ZBTB20: variants seen among roughly 807,000 people sequenced by gnomAD.
ZBTB20 encodes the protein zinc finger and BTB domain-containing protein 20.
ZBTB20 carries 9 observed loss-of-function variants against 56.9 expected under a neutral mutation model. The observed-to-expected ratio is 0.16, with a 90% CI of 0.10 to 0.28. The LOEUF is 0.28. Among genes scored for constraint, ZBTB20 ranks in the 10% least tolerant of loss-of-function variants. The pLI is 1.00. For synonymous variants in ZBTB20, 417 were observed against 420.7 expected (o/e 0.99, Z 0.11); for missense variants, 655 against 1,003.0 (o/e 0.65, Z 4.69).
chr3:114,890,638 G>A (rs937403737), intron 4 of ZBTB20, among the ~76,000 whole-genome samples: 2 of 152,034 alleles, frequency 1.3e-5, no homozygotes, highest in Non-Finnish European at 2.9e-5. Context: ...ATTAGGAGAT[G>A]TACCTAATGT....
At chr3:115,017,952 C>A (rs1228657256) in intron 2 of ZBTB20, among the ~76,000 whole-genome samples, 1 of 151,458 alleles carries the variant, frequency 6.6e-6, no homozygotes, top group East Asian at 1.9e-4. Flanking sequence ...TCTGTGCTGG[C>A]AAGAAACACC....
At chr3:114,488,218 G>A (rs2042353152) in intron 7 of ZBTB20, among the ~76,000 whole-genome samples, 1 of 152,228 alleles carries the variant, frequency 6.6e-6, no homozygotes, top group Admixed American at 6.5e-5. Flanking sequence ...TGCCATCAGA[G>A]CATAAGAAGC....
At chr3:114,555,753 G>T (rs1373799082) in intron 6 of ZBTB20, among the ~76,000 whole-genome samples, 1 of 152,076 alleles carries the variant, frequency 6.6e-6, no homozygotes, top group Non-Finnish European at 1.5e-5. Context: ...CCAGTTTTCA[G>T]TTGGGCTGGT....
chr3:114,600,772 TA>T (rs1213744737), intron 6 of ZBTB20, among the ~76,000 whole-genome samples: 4 of 152,012 alleles, frequency 2.6e-5, no homozygotes, highest in Admixed American at 6.6e-5. Context: ...CTTCAACTCA[TA>T]ACTAAACCCA....
intron 5 of ZBTB20, among the ~76,000 whole-genome samples, chr3:114,696,821 GAGAA>G (rs1160946664): frequency 3.9e-5 from 6 of 152,082 alleles, no homozygotes; most frequent in South Asian, 4.1e-4. Flanking sequence ...AAAAGAGAGA[GAGAA>G]AGAGAGAGAT....
chr3:114,444,874 T>A (rs1281278458), intron 7 of ZBTB20, among the ~76,000 whole-genome samples: 1 of 152,068 alleles, frequency 6.6e-6, no homozygotes. Context: ...TAAGTTTTTC[T>A]CGTAAATTTT....
intron 1 of ZBTB20, among the ~76,000 whole-genome samples, chr3:115,118,742 A>G (rs1183871684): frequency 2.1e-5 from 2 of 96,886 alleles, no homozygotes; most frequent in Admixed American, 3.4e-4. Flanking sequence ...TTTGAGACGG[A>G]GTCTCGCTCT....
At chr3:114,391,882 C>A (rs2085908522) in intron 7 of ZBTB20, among the ~76,000 whole-genome samples, 1 of 152,126 alleles carries the variant, frequency 6.6e-6, no homozygotes, top group African/African-American at 2.4e-5. Flanking sequence ...TTTATCAGTG[C>A]TTACTTGGCA....
At chr3:114,957,308 T>A (rs1285648734) in intron 3 of ZBTB20, among the ~76,000 whole-genome samples, 1 of 152,130 alleles carries the variant, frequency 6.6e-6, no homozygotes, top group East Asian at 1.9e-4. Flanking sequence ...AAAGGAAAGT[T>A]AGGATAAGAT....
intron 5 of ZBTB20, among the ~76,000 whole-genome samples, chr3:114,723,884 TCTTA>T (rs2065086736): frequency 6.6e-6 from 1 of 152,104 alleles, no homozygotes; most frequent in Admixed American, 6.5e-5. Context: ...CTTTTTTTTT[TCTTA>T]GACGGAGTCT....
chr3:115,118,378 T>G (rs2084082045), intron 1 of ZBTB20, among the ~76,000 whole-genome samples: 1 of 152,138 alleles, frequency 6.6e-6, no homozygotes. Flanking sequence ...TATAGATCTC[T>G]TCTAACTACT....
At chr3:114,420,038 TCTC>T (rs1466530072) in intron 7 of ZBTB20, among the ~76,000 whole-genome samples, 2 of 152,104 alleles carry the variant, frequency 1.3e-5, no homozygotes, top group East Asian at 1.9e-4. Flanking sequence ...CCAATGGACT[TCTC>T]CTTGTAAACT....
intron 2 of ZBTB20, among the ~76,000 whole-genome samples, chr3:114,995,163 G>A (rs2078973919): frequency 6.6e-6 from 1 of 151,746 alleles, no homozygotes; most frequent in African/African-American, 2.4e-5. Context: ...TTACCTCTAG[G>A]GACAAAAGGT....
In ZBTB20 at chr3:114,749,926, T is replaced by A. The variant is rs542884225; in HGVS notation, c.-343+51175A>T. ...ATGGCAGCCAAATCACCACATGCAG[T>A]AAAACCCAGATAAAATATATTCAGC... is the stretch of plus-strand genomic sequence containing the variant. On this transcript the variant is annotated intron_variant, in intron 5 of 11. Coordinates refer to ENST00000675478, the MANE Select transcript of ZBTB20 (RefSeq NM_001348800.3). Among the ~76,000 whole-genome samples the A allele has an allele frequency of 3.3e-5, 5 of 152,302 alleles. No homozygotes were observed. In the East Asian group the frequency reaches 9.6e-4, roughly 29 times the overall value.
chr3:114,577,839 T>C (rs919469265), intron 6 of ZBTB20, among the ~76,000 whole-genome samples: 1 of 152,308 alleles, frequency 6.6e-6, no homozygotes, highest in African/African-American at 2.4e-5. Flanking sequence ...AAGATCTGGA[T>C]TGGGACTGAG....
intron 5 of ZBTB20, among the ~76,000 whole-genome samples, chr3:114,768,196 G>C (rs2068919693): frequency 6.6e-6 from 1 of 151,820 alleles, no homozygotes; most frequent in Non-Finnish European, 1.5e-5. Flanking sequence ...AAATAAAAAG[G>C]TGTTCCTTCT....
intron 6 of ZBTB20, among the ~76,000 whole-genome samples, chr3:114,674,082 T>C (rs2108194700): frequency 6.6e-6 from 1 of 152,310 alleles, no homozygotes; most frequent in African/African-American, 2.4e-5. Flanking sequence ...TCTTCAGCTC[T>C]TACATTATTT....
At chr3:114,593,266 G>T (rs2055964359) in intron 6 of ZBTB20, among the ~76,000 whole-genome samples, 1 of 152,034 alleles carries the variant, frequency 6.6e-6, no homozygotes, top group Non-Finnish European at 1.5e-5. Context: ...TTGGCAAGTA[G>T]ATTTTTCAAT....
intron 6 of ZBTB20, among the ~76,000 whole-genome samples, chr3:114,669,485 C>T (rs1269868239): frequency 6.6e-6 from 1 of 151,936 alleles, no homozygotes; most frequent in African/African-American, 2.4e-5. Flanking sequence ...TATTATAAAC[C>T]AATAATTTTA....
Sources: allele counts gnomAD v4.1 joint callset (sites outside exome capture counted in the v4.1 genomes callset), GRCh38; gene constraint gnomAD v4.1.1; transcripts MANE v1.5; gene names NCBI Gene and HGNC (gene_info 2026-07-23, HGNC 2026-07-21).